The following STK39 variants were observed in gnomAD, a reference collection of about 807,000 sequenced individuals.
The protein encoded by STK39 is STE20/SPS1-related proline-alanine-rich protein kinase.
Under a neutral mutation model 77.8 loss-of-function variants are expected in STK39, and 20 were observed. The observed-to-expected ratio is 0.26, with a 90% CI of 0.18 to 0.37. STK39 has a LOEUF of 0.37. Among genes scored for constraint, STK39 ranks in the 10% least tolerant of loss-of-function variants. The pLI, the probability that STK39 is intolerant of heterozygous loss-of-function variation, is 1.00. For synonymous variants in STK39, 246 were observed against 234.1 expected (o/e 1.05, Z -0.47); for missense variants, 479 against 656.5 (o/e 0.73, Z 2.95).
intron 16 of STK39, among the ~76,000 whole-genome samples, chr2:167,999,597 A>T (rs7595760): frequency 6.6e-6 from 1 of 151,796 alleles, no homozygotes; most frequent in South Asian, 2.1e-4. Context: ...GAGTAGCTGG[A>T]ACTACAGGCG....
rs764453213 is a variant in STK39, at chr2:168,098,458, G to A, written c.1090-23227C>T. On this transcript the variant is annotated intron_variant, in intron 10 of 17. Transcript: ENST00000355999. ...CCCCACTGCCTCCCAGATGCTGAACGTGATCAGTTATTGCACCACGTATGC... is the reference window on the plus strand; with the variant it reads ...CCCCACTGCCTCCCAGATGCTGAACATGATCAGTTATTGCACCACGTATGC... Among the ~76,000 whole-genome samples the A allele has an allele frequency of 1.1e-4, 16 of 152,150 alleles. No individual in the cohort carries two copies. In the South Asian group the frequency reaches 1.2e-3, roughly 12 times the overall value.
chr2:168,203,688 G>A lies in STK39; in HGVS notation c.209-21598C>T, dbSNP rs561248927. On this transcript the variant is annotated intron_variant, in intron 1 of 17. Coordinates refer to ENST00000355999, the MANE Select transcript of STK39 (RefSeq NM_013233.3). ...GCTCTCTGCAACCTCCGCCTCCTGG[G>A]TTCAAGCAATTCTCCTGTCTCAGCC... Among the ~76,000 whole-genome samples, 221 of 152,316 alleles carry A rather than the reference G, an allele frequency of 1.5e-3. 1 individual carries two copies. The highest frequency in any genetic ancestry group is 2.6e-3 in the Non-Finnish European group (176 of 68,022).
At chr2:168,080,277 G>A (rs1686193482) in intron 10 of STK39, among the ~76,000 whole-genome samples, 1 of 152,170 alleles carries the variant, frequency 6.6e-6, no homozygotes, top group South Asian at 2.1e-4. Context: ...AAGGCATTCA[G>A]TTTTAAAAGG....
At chr2:168,176,218 A>G (rs1688952633) in intron 2 of STK39, among the ~76,000 whole-genome samples, 1 of 152,188 alleles carries the variant, frequency 6.6e-6, no homozygotes, top group South Asian at 2.1e-4. Flanking sequence ...ATCTTTCTAG[A>G]ATAAACAAGC....
intron 5 of STK39, among the ~76,000 whole-genome samples, chr2:168,143,432 G>A (rs1209125043): frequency 6.6e-6 from 1 of 152,108 alleles, no homozygotes; most frequent in Non-Finnish European, 1.5e-5. Flanking sequence ...AGACTTTCAG[G>A]ACAGGAGCGG....
In STK39 at chr2:168,068,818, A is replaced by G. The variant is rs145606100; in HGVS notation, c.1243-3437T>C. ...GTGATGGCTAAGGATAACCATAATA[A>G]AAGTGGAGGGAGAAGTTAAATCTCT... On this transcript the variant is annotated intron_variant, in intron 12 of 17. Transcript: ENST00000355999. Among the ~76,000 whole-genome samples, 1,498 of 152,352 alleles carry G rather than the reference A, an allele frequency of 9.8e-3. 24 individuals carry two copies. Among genetic ancestry groups the G allele is most frequent in the African/African-American group, 0.034 (1,429 of 41,576 alleles).
intron 1 of STK39, among the ~76,000 whole-genome samples, chr2:168,210,888 G>A (rs1689874362): frequency 6.7e-6 from 1 of 148,600 alleles, no homozygotes; most frequent in Admixed American, 6.7e-5. Context: ...TTTTCAGCAG[G>A]AACACTAGAG....
intron 10 of STK39, among the ~76,000 whole-genome samples, chr2:168,077,842 C>A (rs1027567045): frequency 6.6e-6 from 1 of 151,258 alleles, no homozygotes; most frequent in African/African-American, 2.4e-5. Flanking sequence ...ATCTAAGTTT[C>A]ACACAGTTTA....
chr2:168,088,526 T>C (rs181935101), intron 10 of STK39, among the ~76,000 whole-genome samples: 153 of 152,334 alleles, frequency 1.0e-3, no homozygotes, highest in African/African-American at 2.8e-3. Flanking sequence ...TCCTCACTGT[T>C]GATCAGAGTG....
intron 16 of STK39, among the ~76,000 whole-genome samples, chr2:167,968,371 G>C (rs529556768): frequency 6.6e-6 from 1 of 152,248 alleles, no homozygotes; most frequent in South Asian, 2.1e-4. Flanking sequence ...TTCACATTTT[G>C]ACAGTTAGAA....
intron 10 of STK39, among the ~76,000 whole-genome samples, chr2:168,099,159 G>C (rs973294115): frequency 1.3e-5 from 2 of 152,228 alleles, no homozygotes; most frequent in African/African-American, 4.8e-5. Context: ...CCCATGCAAA[G>C]GCTGCCCAGC....
intron 1 of STK39, among the ~76,000 whole-genome samples, chr2:168,237,610 AT>A (rs1690653855): frequency 6.6e-6 from 1 of 152,118 alleles, no homozygotes; most frequent in Non-Finnish European, 1.5e-5. Flanking sequence ...TTATTTTGAG[AT>A]ACGTCCCATC....
At chr2:168,006,041 G>GA (rs1684124663) in intron 16 of STK39, among the ~76,000 whole-genome samples, 1 of 152,162 alleles carries the variant, frequency 6.6e-6, no homozygotes, top group Non-Finnish European at 1.5e-5. Context: ...CCCTTCTCAG[G>GA]AAACAGAAAT....
At chr2:168,181,489 T>C (rs1689081668) in intron 2 of STK39, among the ~76,000 whole-genome samples, 1 of 150,910 alleles carries the variant, frequency 6.6e-6, no homozygotes, top group African/African-American at 2.4e-5. Context: ...ACTCCTCTCA[T>C]TAGCCAAATG....
chr2:168,062,905 T>C (rs1385111352), intron 14 of STK39, among the ~76,000 whole-genome samples: 1 of 152,114 alleles, frequency 6.6e-6, no homozygotes, highest in Non-Finnish European at 1.5e-5. Context: ...ATCACAAAGA[T>C]GAACCTTTAA....
chr2:167,962,684 A>C (rs1264919636), intron 17 of STK39, among the ~76,000 whole-genome samples: 3 of 152,216 alleles, frequency 2.0e-5, no homozygotes, highest in African/African-American at 7.2e-5. Flanking sequence ...CAGCCAATGG[A>C]GATTCAGTCC....
chr2:168,154,873 G>A (rs1008544474), intron 5 of STK39, among the ~76,000 whole-genome samples: 2 of 152,132 alleles, frequency 1.3e-5, no homozygotes, highest in Non-Finnish European at 1.5e-5. Flanking sequence ...GAAGGAGCAG[G>A]CTATACAAAT....
intron 1 of STK39, among the ~76,000 whole-genome samples, chr2:168,226,216 A>G (rs1690301124): frequency 6.6e-6 from 1 of 152,214 alleles, no homozygotes; most frequent in Non-Finnish European, 1.5e-5. Flanking sequence ...GTGAGGATCC[A>G]AAGTTTCCTG....
At chr2:167,966,853 G>T (rs1308409512) in intron 16 of STK39, among the ~76,000 whole-genome samples, 1 of 152,152 alleles carries the variant, frequency 6.6e-6, no homozygotes, top group Non-Finnish European at 1.5e-5. Flanking sequence ...TTTCAATTTG[G>T]TTGATTCTAA....
Sources: gnomAD v4.1 joint callset for allele counts (sites outside exome capture counted in the v4.1 genomes callset) on GRCh38, gnomAD v4.1.1 for gene constraint, MANE v1.5 for transcripts, NCBI Gene and HGNC (gene_info 2026-07-23, HGNC 2026-07-21) for gene names.